Variants in CDH17 observed in about 807,000 individuals in gnomAD.
CDH17 encodes the protein cadherin-17.
In CDH17, 67 loss-of-function variants were observed where a neutral mutation model predicts 86.3. The ratio of observed to expected loss-of-function variants is 0.78; its 90% confidence interval spans 0.64 to 0.95. The LOEUF (loss-of-function observed/expected upper bound fraction) is 0.95, where lower values mean the gene tolerates loss of function less well. Ranked by LOEUF, CDH17 falls within the 40% of genes least tolerant of loss-of-function variation. The pLI is 0.00. For missense variants in CDH17, 993 were observed against 1,017.6 expected, an observed-to-expected ratio of 0.98 and a Z score of 0.33; for synonymous variants, 367 against 366.4, an observed-to-expected ratio of 1.00 and a Z score of -0.02.
At chr8:94,199,284 A>G (rs746020186) in intron 1 of CDH17, among the ~76,000 whole-genome samples, 3 of 151,890 alleles carry the variant, frequency 2.0e-5, no homozygotes, top group Non-Finnish European at 2.9e-5. Context: ...TCTCACCTGT[A>G]AGAGCTTTCA....
rs563532699 is a variant in CDH17 at position 94,147,167 on chromosome 8, G to T, written c.1928-1000C>A. 2.6e-5 allele frequency among the ~76,000 whole-genome samples: 4 copies of T among 152,316 alleles called. No homozygotes were observed. In the South Asian group the frequency reaches 8.3e-4, roughly 32 times the overall value. ...TGAAGTTCTGATCCCCATGGTATGA[G>T]AAAGGGGTGTGCACAGCATAAAGGC... On this transcript the variant is annotated intron_variant, in intron 14 of 17. Coordinates refer to ENST00000027335, the MANE Select transcript of CDH17 (RefSeq NM_004063.4).
At position 94,193,830 on chromosome 8, in the gene CDH17, A is replaced by G. The variant is rs892108887; in HGVS notation, c.51+805T>C. Reference sequence around the variant, plus strand: ...TTTCATTCAATTTCACACTGTCACTATGTGAGCTCTAGGGTATTTTTTGGG... The same window carrying G: ...TTTCATTCAATTTCACACTGTCACTGTGTGAGCTCTAGGGTATTTTTTGGG... On this transcript the variant is annotated intron_variant, in intron 2 of 17. Transcript: ENST00000027335. Among the ~76,000 whole-genome samples, 13 of 152,070 alleles carry G rather than the reference A, an allele frequency of 8.5e-5. No individual in the cohort carries two copies. The East Asian group carries it at 1.2e-3, about 14-fold the overall frequency.
chr8:94,171,234 A>G (rs1813264170), intron 7 of CDH17, among the ~76,000 whole-genome samples: 1 of 152,146 alleles, frequency 6.6e-6, no homozygotes, highest in Non-Finnish European at 1.5e-5. Context: ...CAAACCCTCT[A>G]CAGGGTTTCT....
chr8:94,130,934 G>A lies in CDH17; in HGVS notation c.2226C>T (p.Val742=), dbSNP rs1812401697. 5.0e-6 allele frequency: 8 copies of A among 1,611,948 alleles called. No homozygotes were observed. Among genetic ancestry groups the A allele is most frequent in the Non-Finnish European group, 6.8e-6 (8 of 1,178,204 alleles). The change falls in exon 16 of 18, where the codon GTC becomes GTT. Residue 742 remains valine, a synonymous_variant. Transcript: ENST00000027335. ...GACCCCCATCATTGATGCGGATCAA[G>A]ACGACATACTCCCTCTCCTCAAACT... The part of the protein sequence containing the change: ...HTEFEEREYV[V]LIRINDGGRP...
At chr8:94,132,498 C>G (rs1812439400) in intron 15 of CDH17, among the ~76,000 whole-genome samples, 1 of 152,126 alleles carries the variant, frequency 6.6e-6, no homozygotes, top group African/African-American at 2.4e-5. Context: ...ATATCTGTTG[C>G]CCACTTTTTG....
At chr8:94,144,952 G>A (rs944205169) in intron 15 of CDH17, among the ~76,000 whole-genome samples, 2 of 152,162 alleles carry the variant, frequency 1.3e-5, no homozygotes, top group African/African-American at 4.8e-5. Flanking sequence ...AAACCATTAT[G>A]AGATACTACT....
At chr8:94,163,632 C>T (rs1290431322) in intron 10 of CDH17, among the ~76,000 whole-genome samples, 2 of 152,232 alleles carry the variant, frequency 1.3e-5, no homozygotes, top group African/African-American at 4.8e-5. Context: ...CAAACAATCC[C>T]TTCTTTCAAC....
intron 15 of CDH17, among the ~76,000 whole-genome samples, chr8:94,140,447 T>C (rs1812615781): frequency 6.6e-6 from 1 of 151,874 alleles, no homozygotes; most frequent in African/African-American, 2.4e-5. Context: ...ATGCAGCTAA[T>C]GTGACACCTA....
At chr8:94,193,900 G>C (rs542694780) in intron 2 of CDH17, among the ~76,000 whole-genome samples, 1 of 150,036 alleles carries the variant, frequency 6.7e-6, no homozygotes, top group African/African-American at 2.5e-5. Flanking sequence ...AAGAAAGGAA[G>C]TAAGATTTGA....
At chr8:94,160,889 T>C (rs886358729) in intron 11 of CDH17, among the ~76,000 whole-genome samples, 1 of 152,196 alleles carries the variant, frequency 6.6e-6, no homozygotes, top group Non-Finnish European at 1.5e-5. Flanking sequence ...ACACAGCTAG[T>C]GGGTCAAAGG....
intron 13 of CDH17, among the ~76,000 whole-genome samples, chr8:94,150,748 C>T (rs1260715810): frequency 5.9e-5 from 9 of 152,134 alleles, no homozygotes; most frequent in African/African-American, 1.2e-4. Context: ...TTTTTATTCA[C>T]GTCTTTGACC....
intron 12 of CDH17, among the ~76,000 whole-genome samples, chr8:94,158,657 C>T (rs773678800): frequency 4.6e-5 from 7 of 152,140 alleles, no homozygotes; most frequent in Non-Finnish European, 1.0e-4. Context: ...GCTGTGAGCA[C>T]AAGGGGAGGT....
chr8:94,169,808 G>A (rs1813232123), intron 9 of CDH17, among the ~76,000 whole-genome samples: 1 of 152,036 alleles, frequency 6.6e-6, no homozygotes, highest in African/African-American at 2.4e-5. Flanking sequence ...GCTATCACAG[G>A]ACACAGTAAA....
At position 94,174,277 on chromosome 8, in the gene CDH17, A is replaced by G; in HGVS notation, c.425-17T>C. On this transcript the variant is annotated splice_polypyrimidine_tract_variant and intron_variant, in intron 5 of 17. Transcript: ENST00000027335. ...AGGGCTTTCCTGTTTAACAAGACGTACCCAGAAAAAAAAAAAAAAAGATAT... is the reference window on the plus strand; with the variant it reads ...AGGGCTTTCCTGTTTAACAAGACGTGCCCAGAAAAAAAAAAAAAAAGATAT... 1 of 1,527,934 alleles carries G rather than the reference A, an allele frequency of 6.5e-7. No individual in the cohort carries two copies. Among genetic ancestry groups the G allele is most frequent in the Non-Finnish European group, 8.7e-7 (1 of 1,143,016 alleles). The allele number at this position is 1,527,934 out of a possible 1,614,324, so 94.6% of individuals were successfully genotyped here.
At chr8:94,131,442 C>G (rs1812413758) in intron 15 of CDH17, among the ~76,000 whole-genome samples, 1 of 152,176 alleles carries the variant, frequency 6.6e-6, no homozygotes, top group South Asian at 2.1e-4. Flanking sequence ...TAACATTTAA[C>G]TCACATCTAA....
chr8:94,203,136 GA>G (rs1207998210), intron 1 of CDH17: 1 of 156,418 alleles, frequency 6.4e-6, no homozygotes, highest in Non-Finnish European at 1.4e-5. Flanking sequence ...CTACGTCCCA[GA>G]TCTCCAGATT....
intron 14 of CDH17, among the ~76,000 whole-genome samples, chr8:94,146,516 T>A (rs1812747730): frequency 6.6e-6 from 1 of 152,212 alleles, no homozygotes; most frequent in South Asian, 2.1e-4. Context: ...CTTAGGCATG[T>A]TAGTAGAGTT....
chr8:94,183,623 A>G (rs1397770126), intron 3 of CDH17, among the ~76,000 whole-genome samples: 1 of 152,178 alleles, frequency 6.6e-6, no homozygotes, highest in Non-Finnish European at 1.5e-5. Context: ...AGAAGAAAGC[A>G]TAGACATAAA....
chr8:94,147,906 T>C lies in CDH17; in HGVS notation c.1927+838A>G, dbSNP rs530792454. ...CAGATACCCCTTGTTCACCCAAACC[T>C]ATGGAATCAGAAACTCCAGGGGTGG... On this transcript the variant is annotated intron_variant, in intron 14 of 17. Transcript: ENST00000027335. Among the ~76,000 whole-genome samples, 4 of 152,328 alleles carry C rather than the reference T, an allele frequency of 2.6e-5. No individual in the cohort carries two copies. The East Asian group carries it at 7.7e-4, about 29-fold the overall frequency.
Sources: gnomAD v4.1 joint callset for allele counts (sites outside exome capture counted in the v4.1 genomes callset) on GRCh38, gnomAD v4.1.1 for gene constraint, MANE v1.5 for transcripts, NCBI Gene and HGNC (gene_info 2026-07-23, HGNC 2026-07-21) for gene names.